The following RBFOX1 variants were observed in gnomAD, a reference collection of about 807,000 sequenced individuals.
RBFOX1 encodes the protein RNA binding fox-1 homolog 1, also known as RNA binding protein fox-1 homolog 1.
In RBFOX1, 8 loss-of-function variants were observed where a neutral mutation model predicts 57.7. The observed-to-expected ratio is 0.14, with a 90% CI of 0.08 to 0.25. The LOEUF (loss-of-function observed/expected upper bound fraction) is 0.25, where lower values mean the gene tolerates loss of function less well. RBFOX1 is among the 10% of genes least tolerant of loss of function. The pLI is 1.00. For missense variants in RBFOX1, 611 were observed against 548.5 expected, an observed-to-expected ratio of 1.11 and a Z score of -1.14; for synonymous variants, 326 against 222.4, an observed-to-expected ratio of 1.47 and a Z score of -4.15.
At chr16:7,605,976 CTTTGTATTTTTAG>C (rs2095269216) in intron 9 of RBFOX1, among the ~76,000 whole-genome samples, 1 of 151,846 alleles carries the variant, frequency 6.6e-6, no homozygotes, top group Non-Finnish European at 1.5e-5. Context: ...GTTGTTACTA[CTTTGTATTTTTAG>C]TAGAGTCAAG....
chr16:5,517,095 T>G (rs1418489376), intron 2 of RBFOX1, among the ~76,000 whole-genome samples: 5 of 152,046 alleles, frequency 3.3e-5, no homozygotes, highest in African/African-American at 9.7e-5. Flanking sequence ...CTCCAGTGGT[T>G]GGAGGCCTAT....
In RBFOX1 at chr16:7,059,001, A is replaced by G. The variant is rs557603897; in HGVS notation, c.27+6903A>G. On this transcript the variant is annotated intron_variant, in intron 4 of 15. Transcript: ENST00000550418. ...GAAAGAGGTTGTAGAGCAGATCTGC[A>G]TTATCAATATTTAATTTGCCAGTTA... Among the ~76,000 whole-genome samples, 7 of 152,340 alleles carry G rather than the reference A, an allele frequency of 4.6e-5. No individual in the cohort carries two copies. In the South Asian group the frequency reaches 6.2e-4, roughly 14 times the overall value.
chr16:5,982,442 T>C lies in RBFOX1; in HGVS notation c.351+115107T>C, dbSNP rs543772675. 4.0e-4 allele frequency among the ~76,000 whole-genome samples: 61 copies of C among 152,002 alleles called. 1 individual carries two copies. In the South Asian group the frequency reaches 0.013, roughly 31 times the overall value. ...GGCACCCACCACCACACCCAGCTAA[T>C]TTTTGTATTTTTTAGTAGAGAAGGG... On this transcript the variant is annotated intron_variant, in intron 4 of 19. Coordinates refer to the RBFOX1 transcript ENST00000641259.
rs1423084317 is a variant in RBFOX1, at chr16:7,712,088, C to G, written c.*1343C>G. 1 of 152,628 alleles carries G rather than the reference C, an allele frequency of 6.6e-6. No homozygotes were observed. The highest frequency in any genetic ancestry group is 1.5e-5 in the Non-Finnish European group (1 of 68,050). The allele number at this position is 152,628 out of a possible 1,614,324, so 9.5% of individuals were successfully genotyped here. A position where few individuals can be genotyped will look rare whatever the true frequency, so the allele number is the denominator to read the frequency against. On this transcript the variant is annotated 3_prime_UTR_variant, in exon 16 of 16. Transcript: ENST00000550418. Reference sequence around the variant, plus strand: ...AAAAGAACAAAGTCTCCCCACCTTTCTCGGATGCAGGGCCAGAGTGACACA... The same window carrying G: ...AAAAGAACAAAGTCTCCCCACCTTTGTCGGATGCAGGGCCAGAGTGACACA...
chr16:6,431,916 T>G (rs202074766), intron 2 of RBFOX1, among the ~76,000 whole-genome samples: 4,684 of 99,774 alleles, frequency 0.047, 119 homozygotes, highest in East Asian at 0.081. Flanking sequence ...TTTCTTTCTT[T>G]CTTTCTTTCT....
intron 14 of RBFOX1, among the ~76,000 whole-genome samples, chr16:7,682,450 A>G (rs962209951): frequency 6.6e-5 from 10 of 151,710 alleles, no homozygotes; most frequent in African/African-American, 2.2e-4. Flanking sequence ...TGCAAGTTTG[A>G]GTCTAGGCTG....
intron 3 of RBFOX1, among the ~76,000 whole-genome samples, chr16:6,956,728 T>C (rs1461393715): frequency 1.3e-5 from 2 of 152,218 alleles, no homozygotes; most frequent in Admixed American, 1.3e-4. Flanking sequence ...AACAATTTAA[T>C]ATCATCTTCG....
intron 3 of RBFOX1, among the ~76,000 whole-genome samples, chr16:6,655,100 G>A (rs925470323): frequency 6.6e-6 from 1 of 151,752 alleles, no homozygotes; most frequent in African/African-American, 2.4e-5. Context: ...ACGGCCAGGT[G>A]TGGTGGCTCA....
chr16:7,031,752 A>G (rs1291562893), intron 3 of RBFOX1, among the ~76,000 whole-genome samples: 2 of 152,310 alleles, frequency 1.3e-5, no homozygotes, highest in East Asian at 3.9e-4. Context: ...CCCTCAAACA[A>G]CATCCCGTGT....
intron 3 of RBFOX1, among the ~76,000 whole-genome samples, chr16:6,991,344 A>G (rs2153611723): frequency 6.6e-6 from 1 of 152,152 alleles, no homozygotes; most frequent in Admixed American, 6.6e-5. Flanking sequence ...TTCAGCTAAT[A>G]CATCTGTATG....
At chr16:6,450,851 A>ATG (rs1567304089) in intron 2 of RBFOX1, among the ~76,000 whole-genome samples, 5 of 64,950 alleles carry the variant, frequency 7.7e-5, no homozygotes, top group South Asian at 8.0e-4. Flanking sequence ...ATATATATAT[A>ATG]TATATATATA....
At position 6,453,888 on chromosome 16, in the gene RBFOX1, A is replaced by G. The variant is rs535712472; in HGVS notation, c.-64+136831A>G. 1.0e-3 allele frequency among the ~76,000 whole-genome samples: 152 copies of G among 152,376 alleles called. 1 individual carries two copies. Among genetic ancestry groups the G allele is most frequent in the African/African-American group, 3.4e-3 (143 of 41,592 alleles). ...TATGTGAGTTTGCTGAAGCTGCCAT[A>G]GTAAAATGCCACAGACTGTTTGGCT... On this transcript the variant is annotated intron_variant, in intron 2 of 15. Coordinates refer to ENST00000550418, the MANE Select transcript of RBFOX1 (RefSeq NM_018723.4).
At chr16:5,578,841 A>ATC (rs2046559667) in intron 2 of RBFOX1, among the ~76,000 whole-genome samples, 1 of 89,668 alleles carries the variant, frequency 1.1e-5, no homozygotes, top group Non-Finnish European at 2.3e-5. Flanking sequence ...ACACACACAC[A>ATC]CCCTTTTTTT....
chr16:7,037,074 G>C (rs2044695759), intron 3 of RBFOX1, among the ~76,000 whole-genome samples: 2 of 152,018 alleles, frequency 1.3e-5, no homozygotes, highest in African/African-American at 4.8e-5. Flanking sequence ...TCACCATCTT[G>C]GTTTTGGTGG....
intron 3 of RBFOX1, among the ~76,000 whole-genome samples, chr16:5,857,739 T>A (rs1036105075): frequency 1.3e-5 from 2 of 151,462 alleles, no homozygotes; most frequent in African/African-American, 4.9e-5. Flanking sequence ...CTGGGCAATA[T>A]AGAGAAACCC....
At chr16:5,918,982 C>G (rs1243756968) in intron 4 of RBFOX1, among the ~76,000 whole-genome samples, 1 of 152,136 alleles carries the variant, frequency 6.6e-6, no homozygotes, top group African/African-American at 2.4e-5. Flanking sequence ...CACAAGGAGG[C>G]GCAGTGGAGC....
chr16:7,359,341 C>T (rs2097275972), intron 4 of RBFOX1, among the ~76,000 whole-genome samples: 1 of 152,090 alleles, frequency 6.6e-6, no homozygotes, highest in African/African-American at 2.4e-5. Context: ...ATAGTAAGCA[C>T]CTGTTATATG....
chr16:5,762,102 G>C (rs558740368), intron 3 of RBFOX1, among the ~76,000 whole-genome samples: 1 of 152,256 alleles, frequency 6.6e-6, no homozygotes, highest in African/African-American at 2.4e-5. Context: ...GAATTTTCCT[G>C]CAAAACCAAT....
chr16:6,626,872 A>G (rs1468472256), intron 2 of RBFOX1, among the ~76,000 whole-genome samples: 1 of 152,228 alleles, frequency 6.6e-6, no homozygotes, highest in Non-Finnish European at 1.5e-5. Flanking sequence ...CACTTTAGTC[A>G]TAGTTATTTT....
Sources: allele counts gnomAD v4.1 joint callset (sites outside exome capture counted in the v4.1 genomes callset), GRCh38; gene constraint gnomAD v4.1.1; transcripts MANE v1.5; gene names NCBI Gene and HGNC (gene_info 2026-07-23, HGNC 2026-07-21).